The following ZNF536 variants were observed in gnomAD, a reference collection of about 807,000 sequenced individuals.
ZNF536 encodes zinc finger protein 536.
A neutral mutation model predicts 84.5 loss-of-function variants in ZNF536; 13 were observed. The ratio of observed to expected loss-of-function variants is 0.15; its 90% CI spans 0.10 to 0.24. The LOEUF (loss-of-function observed/expected upper bound fraction) is 0.24, where lower values mean the gene tolerates loss of function less well. Ranked by LOEUF, ZNF536 falls within the 10% of genes least tolerant of loss-of-function variation. The probability of loss-of-function intolerance (pLI) is 1.00; values close to 1 mark genes in which losing one functional copy is unlikely to be tolerated. For synonymous variants in ZNF536, 811 were observed against 742.5 expected, an observed-to-expected ratio of 1.09 and a Z score of -1.50; for missense variants, 1,536 against 1,747.5, an observed-to-expected ratio of 0.88 and a Z score of 2.16.
intron 2 of ZNF536, among the ~76,000 whole-genome samples, chr19:30,510,582 G>A (rs190069461): frequency 6.6e-6 from 1 of 152,220 alleles, no homozygotes; most frequent in Non-Finnish European, 1.5e-5. Flanking sequence ...CTACAGAGAC[G>A]CGGGGATCGC....
intron 1 of ZNF536, among the ~76,000 whole-genome samples, chr19:30,438,300 C>G (rs557222093): frequency 1.2e-4 from 19 of 152,246 alleles, no homozygotes; most frequent in African/African-American, 4.1e-4. Flanking sequence ...ATCTTTATGT[C>G]CGTGTATACC....
intron 1 of ZNF536, among the ~76,000 whole-genome samples, chr19:30,409,840 T>A (rs2050407458): frequency 6.6e-6 from 1 of 152,236 alleles, no homozygotes; most frequent in African/African-American, 2.4e-5. Context: ...TGTATGTATA[T>A]CTATATTTTA....
In ZNF536 at chr19:30,606,329, C is replaced by T. The variant is rs528474863; in HGVS notation, c.169+56815C>T. 1.4e-4 allele frequency among the ~76,000 whole-genome samples: 21 copies of T among 147,234 alleles called. No homozygotes were observed. The South Asian group carries it at 3.9e-3, about 28-fold the overall frequency. ...ATAAAATAAAATAAAAATAAAAGTG[C>T]CTGCAAGGACACACACACCTCTTAA... On this transcript the variant is annotated intron_variant, in intron 1 of 1. Coordinates refer to the ZNF536 transcript ENST00000592773.
intron 1 of ZNF536, among the ~76,000 whole-genome samples, chr19:30,646,761 C>T (rs2049486973): frequency 6.6e-6 from 1 of 152,142 alleles, no homozygotes; most frequent in Non-Finnish European, 1.5e-5. Context: ...TGTTATTGCC[C>T]TTGTTGTATC....
intron 1 of ZNF536, among the ~76,000 whole-genome samples, chr19:30,398,050 A>G (rs1447381739): frequency 1.3e-5 from 2 of 152,244 alleles, no homozygotes; most frequent in East Asian, 1.9e-4. Context: ...CAAAGATAGT[A>G]TGGAGAGGTC....
intron 2 of ZNF536, among the ~76,000 whole-genome samples, chr19:30,447,450 G>C (rs534261479): frequency 1.3e-5 from 2 of 152,144 alleles, no homozygotes; most frequent in Non-Finnish European, 2.9e-5. Flanking sequence ...ACTTAATGCC[G>C]CTGCTTAAAT....
intron 1 of ZNF536, among the ~76,000 whole-genome samples, chr19:30,620,029 C>CTTT (rs35581619): frequency 7.4e-6 from 1 of 135,080 alleles, no homozygotes; most frequent in African/African-American, 2.7e-5. Flanking sequence ...TTCCTCTATG[C>CTTT]TTTTTTTTTT....
At position 30,572,254 on chromosome 19, in the gene ZNF536, C is replaced by A. The variant is rs528171055; in HGVS notation, c.169+22740C>A. Among the ~76,000 whole-genome samples the A allele has an allele frequency of 2.8e-3, 432 of 152,312 alleles. 1 individual carries two copies. Among genetic ancestry groups the A allele is most frequent in the African/African-American group, 9.9e-3 (411 of 41,552 alleles). On this transcript the variant is annotated intron_variant, in intron 1 of 1. Coordinates refer to the ZNF536 transcript ENST00000592773. ...TCCTGAGGCTGGTGTCTGTGTGCTG[C>A]GTCTCACGGGAAGGCAGGCTTATCC...
intron 1 of ZNF536, among the ~76,000 whole-genome samples, chr19:30,249,275 TAC>T (rs1238305796): frequency 6.6e-6 from 1 of 151,172 alleles, no homozygotes; most frequent in African/African-American, 2.4e-5. Flanking sequence ...GCAATATAGT[TAC>T]TATTACTAAC....
intron 1 of ZNF536, among the ~76,000 whole-genome samples, chr19:30,409,601 C>G (rs928690332): frequency 2.0e-5 from 3 of 152,148 alleles, no homozygotes; most frequent in African/African-American, 7.2e-5. Flanking sequence ...GTGGAATTGC[C>G]AGGTTAAAGA....
At chr19:30,503,279 AAAAC>A (rs2055023965) in intron 2 of ZNF536, among the ~76,000 whole-genome samples, 1 of 152,246 alleles carries the variant, frequency 6.6e-6, no homozygotes, top group Non-Finnish European at 1.5e-5. Flanking sequence ...GGTGCAAAGA[AAAAC>A]AAAGCCTTTA....
At chr19:30,569,056 A>G (rs1385394828) in intron 1 of ZNF536, among the ~76,000 whole-genome samples, 1 of 152,186 alleles carries the variant, frequency 6.6e-6, no homozygotes, top group African/African-American at 2.4e-5. Context: ...TAAATGATGA[A>G]TCCATAGGAA....
chr19:30,454,118 C>A lies in ZNF536; in HGVS notation c.2170+8386C>A, dbSNP rs181252221. 1.4e-3 allele frequency among the ~76,000 whole-genome samples: 210 copies of A among 152,376 alleles called. 2 individuals are homozygous for A. Among genetic ancestry groups the A allele is most frequent in the Middle Eastern group, 6.8e-3 (2 of 294 alleles). On this transcript the variant is annotated intron_variant, in intron 2 of 4. Transcript: ENST00000355537. ...TTCCAGCTTTTCTTGCAAGCAGTGT[C>A]TACCTTTAGGAACCTTTCAGTTTTA...
intron 2 of ZNF536, among the ~76,000 whole-genome samples, chr19:30,477,717 G>A (rs1045767639): frequency 6.6e-6 from 1 of 152,202 alleles, no homozygotes; most frequent in African/African-American, 2.4e-5. Context: ...GACAGCAGTG[G>A]CTGGGCACAA....
chr19:30,589,818 C>T (rs2047216539), intron 1 of ZNF536, among the ~76,000 whole-genome samples: 1 of 152,166 alleles, frequency 6.6e-6, no homozygotes, highest in African/African-American at 2.4e-5. Flanking sequence ...CACTTCCAGC[C>T]TGCCCTGTGT....
intron 1 of ZNF536, among the ~76,000 whole-genome samples, chr19:30,383,475 C>T (rs2049103748): frequency 6.6e-6 from 1 of 152,264 alleles, no homozygotes; most frequent in Admixed American, 6.5e-5. Flanking sequence ...GGCTGCACCC[C>T]ACCAACCACT....
chr19:30,693,105 C>T (rs766982329), intron 1 of ZNF536, among the ~76,000 whole-genome samples: 3 of 151,902 alleles, frequency 2.0e-5, no homozygotes, highest in Non-Finnish European at 2.9e-5. Flanking sequence ...TGCACATGGT[C>T]GCTTGTCCCT....
intron 2 of ZNF536, among the ~76,000 whole-genome samples, chr19:30,331,292 TAAAAAAAAAAAAAAAAA>T (rs11324495): frequency 2.4e-5 from 1 of 41,720 alleles, no homozygotes; most frequent in Non-Finnish European, 4.0e-5. Context: ...CCCTGTATCT[TAAAAAAAAAAAAAAAAA>T]AAAAAAAAAA....
At chr19:30,418,663 T>C (rs2050831601) in intron 1 of ZNF536, among the ~76,000 whole-genome samples, 1 of 152,138 alleles carries the variant, frequency 6.6e-6, no homozygotes, top group Admixed American at 6.5e-5. Context: ...GAAGGTGGGG[T>C]TGGCCGGGGT....
Sources: allele counts gnomAD v4.1 joint callset (sites outside exome capture counted in the v4.1 genomes callset), GRCh38; gene constraint gnomAD v4.1.1; transcripts MANE v1.5; gene names NCBI Gene and HGNC (gene_info 2026-07-23, HGNC 2026-07-21).